Variants in LARGE1 observed in about 807,000 individuals in gnomAD.
The protein encoded by LARGE1 is xylosyl- and glucuronyltransferase LARGE1.
Under a neutral mutation model 87.6 loss-of-function variants are expected in LARGE1, and 43 were observed. That is an observed-to-expected ratio of 0.49 (90% CI 0.38 to 0.63). The LOEUF (loss-of-function observed/expected upper bound fraction) is 0.63. Among genes scored for constraint, LARGE1 ranks in the 30% least tolerant of loss-of-function variants. The probability of loss-of-function intolerance (pLI) is 0.00; values close to 1 mark genes in which losing one functional copy is unlikely to be tolerated. For synonymous variants in LARGE1, 434 were observed against 394.6 expected, an observed-to-expected ratio of 1.10 and a Z score of -1.18; for missense variants, 802 against 1,000.2, an observed-to-expected ratio of 0.80 and a Z score of 2.67.
chr22:33,826,420 G>C (rs1041392895), intron 1 of LARGE1, among the ~76,000 whole-genome samples: 11 of 150,208 alleles, frequency 7.3e-5, no homozygotes, highest in Non-Finnish European at 1.3e-4. Context: ...TCGGCTCGCT[G>C]CAACCTCCGC....
At chr22:33,755,916 G>A (rs2084495943) in intron 2 of LARGE1, among the ~76,000 whole-genome samples, 1 of 152,206 alleles carries the variant, frequency 6.6e-6, no homozygotes, top group South Asian at 2.1e-4. Flanking sequence ...ATGACTGCTG[G>A]TCATAGATGT....
rs1801820 is a variant in LARGE1, at chr22:33,273,192, T to C, written c.*1235A>G. Reference sequence around the variant, plus strand: ...GCATTAACTCTTGTTCTCATCAATGTAAACACAATATTAATATTGAAGATT... The same window carrying C: ...GCATTAACTCTTGTTCTCATCAATGCAAACACAATATTAATATTGAAGATT... On this transcript the variant is annotated 3_prime_UTR_variant, in exon 15 of 15. Coordinates refer to ENST00000397394, the MANE Select transcript of LARGE1 (RefSeq NM_133642.5). 1,042 of 389,310 alleles carry C rather than the reference T, an allele frequency of 2.7e-3. 12 individuals are homozygous for C. The highest frequency in any genetic ancestry group is 0.018 in the African/African-American group (875 of 48,546). The allele number at this position is 389,310 out of a possible 1,614,324, so 24.1% of individuals were successfully genotyped here.
the LARGE1 span, among the ~76,000 whole-genome samples, chr22:33,154,937 C>A: frequency 6.6e-6 from 1 of 152,114 alleles, no homozygotes; most frequent in Admixed American, 6.5e-5. Context: ...CTCATGAGAT[C>A]CGATGGTTTT....
intron 1 of LARGE1, among the ~76,000 whole-genome samples, chr22:33,863,390 G>A (rs13056358): frequency 0.18 from 27,865 of 152,084 alleles, 2,728 homozygotes; most frequent in Middle Eastern, 0.27. Flanking sequence ...TGGGGCCAGG[G>A]GATGGCTGAC....
chr22:33,226,022 T>C (rs1177685562), intron 11 of LARGE1, among the ~76,000 whole-genome samples: 1 of 152,212 alleles, frequency 6.6e-6, no homozygotes, highest in Non-Finnish European at 1.5e-5. Context: ...CAATAAACAT[T>C]TGCATGCATG....
intron 1 of LARGE1, among the ~76,000 whole-genome samples, chr22:33,814,724 ATGTG>A (rs5845113): frequency 0.73 from 109,868 of 150,596 alleles, 40,019 homozygotes; most frequent in East Asian, 0.86. Context: ...ATCAAGGTAT[ATGTG>A]TGTGTGTGTG....
At chr22:33,707,675 T>C (rs1430345838) in intron 2 of LARGE1, among the ~76,000 whole-genome samples, 1 of 152,238 alleles carries the variant, frequency 6.6e-6, no homozygotes, top group Non-Finnish European at 1.5e-5. Context: ...TGGCCCTGTC[T>C]ACCTGCAAAG....
intron 6 of LARGE1, among the ~76,000 whole-genome samples, chr22:33,456,328 T>C (rs1453955300): frequency 2.0e-5 from 3 of 152,318 alleles, no homozygotes; most frequent in East Asian, 3.9e-4. Context: ...TTCCACAGGA[T>C]CTAATGACTC....
intron 9 of LARGE1, among the ~76,000 whole-genome samples, chr22:33,369,523 C>T (rs192966460): frequency 5.9e-5 from 9 of 152,058 alleles, no homozygotes; most frequent in African/African-American, 2.2e-4. Flanking sequence ...AGTTCTCTAT[C>T]TCTACTTTTT....
intron 9 of LARGE1, among the ~76,000 whole-genome samples, chr22:33,371,250 G>A (rs1464892858): frequency 6.6e-6 from 1 of 151,794 alleles, no homozygotes; most frequent in African/African-American, 2.4e-5. Context: ...TAACCCAAAT[G>A]CCTTTTAGTT....
At chr22:33,228,859 C>A (rs5749581) in intron 11 of LARGE1, among the ~76,000 whole-genome samples, 103,924 of 151,766 alleles carry the variant, frequency 0.68, 36,923 homozygotes, top group African/African-American at 0.88. Flanking sequence ...GAGAGATAGA[C>A]AAAGGGGTAG....
intron 11 of LARGE1, among the ~76,000 whole-genome samples, chr22:33,241,588 G>GTGTATATATGTACATATATA (rs1926519891): frequency 6.6e-6 from 1 of 151,210 alleles, no homozygotes; most frequent in African/African-American, 2.4e-5. Flanking sequence ...GTATATGTGT[G>GTGTATATATGTACATATATA]TGTATATATG....
chr22:33,730,400 T>C (rs1199607271), intron 2 of LARGE1, among the ~76,000 whole-genome samples: 1 of 152,216 alleles, frequency 6.6e-6, no homozygotes, highest in Admixed American at 6.5e-5. Context: ...TCAAAAGTTA[T>C]ATGCATCTCC....
the LARGE1 span, among the ~76,000 whole-genome samples, chr22:33,126,592 C>T: frequency 1.3e-5 from 2 of 152,100 alleles, no homozygotes; most frequent in Non-Finnish European, 1.5e-5. Context: ...GTTCTAATAC[C>T]AAAAAGCTAT....
At chr22:33,190,838 T>A (rs189126389) in intron 11 of LARGE1, among the ~76,000 whole-genome samples, 8 of 152,332 alleles carry the variant, frequency 5.3e-5, no homozygotes, top group Admixed American at 6.5e-5. Flanking sequence ...ATTTCTCCCT[T>A]CACTGCTACT....
At chr22:33,439,281 T>G (rs928099390) in intron 6 of LARGE1, among the ~76,000 whole-genome samples, 1 of 151,746 alleles carries the variant, frequency 6.6e-6, no homozygotes, top group East Asian at 1.9e-4. Flanking sequence ...CTAAAGGCAC[T>G]TCTCTTCCTC....
At chr22:33,438,218 C>G (rs894510663) in intron 6 of LARGE1, among the ~76,000 whole-genome samples, 1 of 152,058 alleles carries the variant, frequency 6.6e-6, no homozygotes, top group Non-Finnish European at 1.5e-5. Context: ...AGCTTGCCAT[C>G]GTGTGAAGAG....
the LARGE1 span, among the ~76,000 whole-genome samples, chr22:33,099,745 T>C: frequency 0.042 from 6,383 of 152,194 alleles, 331 homozygotes; most frequent in East Asian, 0.25. Context: ...TATGTAAGCA[T>C]AGGAAAATGC....
At chr22:33,807,982 G>C (rs1406380298) in intron 1 of LARGE1, among the ~76,000 whole-genome samples, 1 of 152,196 alleles carries the variant, frequency 6.6e-6, no homozygotes, top group Non-Finnish European at 1.5e-5. Flanking sequence ...GAAGGTTTCT[G>C]TGTGGACGTA....
Sources: gnomAD v4.1 joint callset for allele counts (sites outside exome capture counted in the v4.1 genomes callset) on GRCh38, gnomAD v4.1.1 for gene constraint, MANE v1.5 for transcripts, NCBI Gene and HGNC (gene_info 2026-07-23, HGNC 2026-07-21) for gene names.